Variants in CD82 observed in about 807,000 individuals in gnomAD.
The protein encoded by CD82 is CD82 molecule.
CD82 carries 36 observed loss-of-function variants against 37.4 expected under a neutral mutation model. The ratio of observed to expected loss-of-function variants is 0.96; its 90% CI spans 0.74 to 1.27. CD82 has a LOEUF of 1.27. Ranked by LOEUF, CD82 falls within the 50% of genes most tolerant of loss-of-function variation. The pLI, the probability that CD82 is intolerant of heterozygous loss-of-function variation, is 0.00. For synonymous variants in CD82, 158 were observed against 137.4 expected (o/e 1.15, Z -1.05); for missense variants, 340 against 347.0 (o/e 0.98, Z 0.16).
At chr11:44,608,120 C>T (rs1427796412) in intron 6 of CD82, 3 of 152,058 alleles carry the variant, frequency 2.0e-5, no homozygotes, top group Non-Finnish European at 2.9e-5. Context: ...TTTTTTCTTT[C>T]GCAACGCATC....
At chr11:44,618,035 G>A (rs1853590219) in intron 7 of CD82, 127 bp from the exon 8 acceptor site, 1 of 723,538 alleles carries the variant, frequency 1.4e-6, no homozygotes, top group Admixed American at 2.7e-5. Context: ...TGATGGTTCG[G>A]CTGGGACCAG....
chr11:44,612,211 C>A (rs1313507368), intron 6 of CD82, among the ~76,000 whole-genome samples: 1 of 152,220 alleles, frequency 6.6e-6, no homozygotes, highest in African/African-American at 2.4e-5. Context: ...GGTTTAAATG[C>A]CAATAAAGCT....
intron 1 of CD82, among the ~76,000 whole-genome samples, chr11:44,583,882 G>A (rs1197231892): frequency 2.6e-5 from 4 of 152,178 alleles, no homozygotes; most frequent in Admixed American, 2.0e-4. Context: ...TTCCCCAAGT[G>A]TCAGCTGTCA....
At chr11:44,583,151 G>A (rs941589081) in intron 1 of CD82, among the ~76,000 whole-genome samples, 7 of 152,226 alleles carry the variant, frequency 4.6e-5, no homozygotes, top group Non-Finnish European at 8.8e-5. Flanking sequence ...GGGAGTGGGG[G>A]CTGTCTGGGG....
chr11:44,571,667 C>T (rs867597748), intron 1 of CD82, among the ~76,000 whole-genome samples: 4 of 152,174 alleles, frequency 2.6e-5, no homozygotes, highest in South Asian at 4.2e-4. Flanking sequence ...CTCCACCTCC[C>T]GGGTTCAAGT....
intron 1 of CD82, among the ~76,000 whole-genome samples, chr11:44,585,476 G>A (rs1438680619): frequency 6.6e-6 from 1 of 152,238 alleles, no homozygotes; most frequent in Non-Finnish European, 1.5e-5. Flanking sequence ...CTTTATGCAG[G>A]AAGAGTGGGA....
chr11:44,574,197 G>A (rs1852855450), intron 1 of CD82, among the ~76,000 whole-genome samples: 1 of 152,164 alleles, frequency 6.6e-6, no homozygotes, highest in African/African-American at 2.4e-5. Flanking sequence ...GCAAAGTTGA[G>A]GGCTTACGTC....
At chr11:44,616,118 G>T (rs1853560585) in intron 7 of CD82, among the ~76,000 whole-genome samples, 1 of 152,156 alleles carries the variant, frequency 6.6e-6, no homozygotes, top group African/African-American at 2.4e-5. Flanking sequence ...TGGTCACTTA[G>T]GGCCTGTTGA....
At chr11:44,604,846 TG>T in intron 4 of CD82, 1 of 615,254 alleles carries the variant, frequency 1.6e-6, no homozygotes. Flanking sequence ...TTAGGCTGGA[TG>T]AGGGTGTGGA....
In CD82 at chr11:44,587,557, G is replaced by A; in HGVS notation, c.-21+1G>A. The A allele has an allele frequency of 2.2e-6, 1 of 456,394 alleles. No homozygotes were observed. Among genetic ancestry groups the A allele is most frequent in the Non-Finnish European group, 4.4e-6 (1 of 226,974 alleles). 28.3% of individuals were successfully genotyped at this position (456,394 alleles called of 1,614,324 possible). A position where few individuals can be genotyped will look rare whatever the true frequency, so the allele number is the denominator to read the frequency against. On this transcript the variant is annotated splice_donor_variant, in intron 2 of 9. Transcript: ENST00000227155. LOFTEE classifies it low-confidence loss of function (5UTR_SPLICE). ...ACCAGCTGCACTGGTTTCGTGGAAG[G>A]TAAGTCCTGGGCTGAGAGGAGTGGT... is the stretch of plus-strand genomic sequence containing the variant.
chr11:44,565,853 C>T (rs1220940820), intron 1 of CD82, 117 bp downstream of exon 1: 1 of 152,284 alleles, frequency 6.6e-6, no homozygotes, highest in Non-Finnish European at 1.5e-5. Flanking sequence ...AGTGACAGGT[C>T]GGGGCAGCTG....
Position 44,605,088 on chromosome 11 carries a change from C to T in CD82, c.167C>T (p.Ala56Val). 6.2e-7 allele frequency: 1 copy of T among 1,614,208 alleles called. No individual in the cohort carries two copies. Residue 56 changes from alanine to valine, a missense_variant, in exon 5 of 10, where the codon GCC becomes GTC. By Grantham distance (64) the Ala-to-Val change is moderately conservative. Coordinates refer to ENST00000227155, the MANE Select transcript of CD82 (RefSeq NM_002231.4). ...TCCTCCAGCTCGCTTAGGATGGGGG[C>T]CTATGTCTTCATCGGCGTGGGGGCA... ...QTSSSSLRMG[A>V]YVFIGVGAVT...
intron 7 of CD82, among the ~76,000 whole-genome samples, chr11:44,616,500 C>A (rs1165932605): frequency 1.3e-5 from 2 of 152,054 alleles, no homozygotes; most frequent in African/African-American, 2.4e-5. Context: ...AGCATCCTAC[C>A]CTGGAAAGTC....
chr11:44,613,213 C>T (rs2134688725), intron 6 of CD82, among the ~76,000 whole-genome samples: 1 of 152,334 alleles, frequency 6.6e-6, no homozygotes, highest in South Asian at 2.1e-4. Context: ...GCCCCCACTG[C>T]CTTGACCAGT....
chr11:44,579,869 G>T (rs1423215297), intron 1 of CD82, among the ~76,000 whole-genome samples: 1 of 152,182 alleles, frequency 6.6e-6, no homozygotes, highest in East Asian at 1.9e-4. Flanking sequence ...GGCTCAGTAC[G>T]CTGGAGACTG....
intron 7 of CD82, among the ~76,000 whole-genome samples, chr11:44,617,740 C>G (rs573171645): frequency 2.4e-4 from 36 of 152,252 alleles, no homozygotes; most frequent in Non-Finnish European, 4.6e-4. Flanking sequence ...CTGCCTCATC[C>G]CATTTAGTCC....
rs1853245835 is a variant in CD82 at position 44,597,464 on chromosome 11, C to T, written c.64-2694C>T. On this transcript the variant is annotated intron_variant, in intron 3 of 9. Coordinates refer to ENST00000227155, the MANE Select transcript of CD82 (RefSeq NM_002231.4). This position sits in a 1 kb window ranked among gnomAD's most constrained non-coding sequence, Gnocchi z 4.1. ...TGCCCATTCTGGTAGGCTGCCCAGC[C>T]TCCTTTCTGGCTCTGCCACAGCCCC... Among the ~76,000 whole-genome samples the T allele has an allele frequency of 6.6e-6, 1 of 152,248 alleles. No individual in the cohort carries two copies. The highest frequency in any genetic ancestry group is 2.4e-5 in the African/African-American group (1 of 41,462).
rs751938329 is a variant in CD82, at chr11:44,605,478, G to A, written c.336+49G>A. The A allele has an allele frequency of 3.9e-6, 6 of 1,550,048 alleles. No homozygotes were observed. In the South Asian group the frequency reaches 5.6e-5, roughly 14 times the overall value. On this transcript the variant is annotated intron_variant, in intron 6 of 9. Transcript: ENST00000227155. ...TTCACTGGGCTGGACCAACCATGGG[G>A]GTGATTGACTGAGTGTGGGGGATGG...
upstream of CD82, chr11:44,564,586 C>T (rs1852700171): frequency 9.4e-6 from 4 of 425,706 alleles, no homozygotes; most frequent in South Asian, 6.4e-5. Context: ...ACCTAGAGAG[C>T]TCTTGCAGCC....
Sources: gnomAD v4.1 joint callset for allele counts (sites outside exome capture counted in the v4.1 genomes callset) on GRCh38, gnomAD v4.1.1 for gene constraint, Gnocchi (gnomAD v3.1) non-coding constraint, MANE v1.5 for transcripts, NCBI Gene and HGNC (gene_info 2026-07-23, HGNC 2026-07-21) for gene names.